PALM2AKAP2: variants seen among roughly 807,000 people sequenced by gnomAD.
PALM2AKAP2 encodes PALM2 and AKAP2 fusion, also known as PALM2-AKAP2 fusion protein.
In PALM2AKAP2, 37 loss-of-function variants were observed where a neutral mutation model predicts 71.5. The observed-to-expected ratio is 0.52, with a 90% confidence interval of 0.40 to 0.68. The LOEUF (loss-of-function observed/expected upper bound fraction) is 0.68. Among genes scored for constraint, PALM2AKAP2 ranks in the 30% least tolerant of loss-of-function variants. The pLI is 0.00. For missense variants in PALM2AKAP2, 1,224 were observed against 1,191.8 expected, an observed-to-expected ratio of 1.03 and a Z score of -0.40; for synonymous variants, 468 against 478.8, an observed-to-expected ratio of 0.98 and a Z score of 0.29.
chr9:109,676,969 A>G (rs1448846341), intron 1 of PALM2AKAP2, among the ~76,000 whole-genome samples: 1 of 152,156 alleles, frequency 6.6e-6, no homozygotes, highest in Non-Finnish European at 1.5e-5. Flanking sequence ...TTTCAGAGGA[A>G]TGGTGGAGGT....
chr9:109,779,321 G>A (rs1829396311), upstream of PALM2AKAP2, among the ~76,000 whole-genome samples: 1 of 152,152 alleles, frequency 6.6e-6, no homozygotes, highest in Admixed American at 6.5e-5. Context: ...GTACCACATG[G>A]TATCCTGTTT....
chr9:109,975,676 T>G (rs894140832), intron 6 of PALM2AKAP2, among the ~76,000 whole-genome samples: 1 of 152,180 alleles, frequency 6.6e-6, no homozygotes, highest in Non-Finnish European at 1.5e-5. Flanking sequence ...TTAAAAATAG[T>G]CTTGGAGCTT....
At chr9:110,058,817 T>G (rs1157962123) in intron 1 of PALM2AKAP2, among the ~76,000 whole-genome samples, 4 of 152,144 alleles carry the variant, frequency 2.6e-5, no homozygotes, top group Non-Finnish European at 5.9e-5. Flanking sequence ...CTTTCTTCCT[T>G]TTCTGAGCTG....
chr9:109,680,745 A>G (rs1012685367), intron 1 of PALM2AKAP2, among the ~76,000 whole-genome samples: 1 of 152,240 alleles, frequency 6.6e-6, no homozygotes, highest in African/African-American at 2.4e-5. Context: ...ATTTTAACAT[A>G]TCTACAAAAA....
At chr9:109,791,102 G>A (rs1054577428) in intron 1 of PALM2AKAP2, among the ~76,000 whole-genome samples, 1 of 152,192 alleles carries the variant, frequency 6.6e-6, no homozygotes, top group Non-Finnish European at 1.5e-5. Context: ...GACAGAGGAG[G>A]TCCTGGAGGC....
intron 1 of PALM2AKAP2, among the ~76,000 whole-genome samples, chr9:110,055,363 T>C (rs1381442854): frequency 1.3e-5 from 2 of 152,030 alleles, no homozygotes; most frequent in Non-Finnish European, 2.9e-5. Context: ...GCCCGGCTAA[T>C]TTTTGTATTT....
chr9:110,005,507 C>T (rs1177925703), intron 6 of PALM2AKAP2, among the ~76,000 whole-genome samples: 1 of 152,230 alleles, frequency 6.6e-6, no homozygotes, highest in Non-Finnish European at 1.5e-5. Flanking sequence ...TGTCCATTCT[C>T]AGATCTCCAG....
chr9:110,015,831 A>G lies in PALM2AKAP2; in HGVS notation c.497-123A>G, dbSNP rs554878695. On this transcript the variant is annotated intron_variant, in intron 6 of 9. Transcript: ENST00000302798. ...CCCAGTAACTGCAAGATAGGTATAG[A>G]GCTATAGGTCATCATCAGCTCCCTT... 9.2e-5 allele frequency: 79 copies of G among 854,492 alleles called. 1 individual carries two copies. The Admixed American group carries it at 1.6e-3, about 17-fold the overall frequency. 52.9% of individuals were successfully genotyped at this position (854,492 alleles called of 1,614,324 possible). A position where few individuals can be genotyped will look rare whatever the true frequency, so the allele number is the denominator to read the frequency against.
At position 109,932,004 on chromosome 9, in the gene PALM2AKAP2, C is replaced by T; in HGVS notation, c.472C>T (p.Gln158Ter). Reference sequence around the variant, plus strand: ...ACGAACAGCAGAACCATCACCTGGGCAGGACGGGACCAGCAGAGCGGCTGG... The same window carrying T: ...ACGAACAGCAGAACCATCACCTGGGTAGGACGGGACCAGCAGAGCGGCTGG... The change falls in exon 6 of 10, where the codon CAG becomes TAG. Residue 158 changes from glutamine (Q) to a stop codon, truncating the protein, a stop_gained. Coordinates refer to the PALM2AKAP2 transcript ENST00000302798. LOFTEE classifies it high-confidence loss of function. The T allele has an allele frequency of 1.9e-6, 3 of 1,613,630 alleles. No individual in the cohort carries two copies. The highest frequency in any genetic ancestry group is 2.5e-6 in the Non-Finnish European group (3 of 1,179,686).
intron 2 of PALM2AKAP2, among the ~76,000 whole-genome samples, chr9:110,150,694 A>G (rs1836288851): frequency 6.6e-6 from 1 of 152,226 alleles, no homozygotes; most frequent in Non-Finnish European, 1.5e-5. Flanking sequence ...AGGAGGCAAC[A>G]TATAGTGTTC....
At chr9:109,882,945 G>A (rs750005214) in intron 3 of PALM2AKAP2, among the ~76,000 whole-genome samples, 13 of 152,036 alleles carry the variant, frequency 8.6e-5, no homozygotes, top group African/African-American at 2.2e-4. Context: ...CACCGTGTCC[G>A]TCCTATTCTG....
chr9:109,702,257 T>C (rs1249689779), intron 1 of PALM2AKAP2, among the ~76,000 whole-genome samples: 1 of 152,160 alleles, frequency 6.6e-6, no homozygotes, highest in East Asian at 1.9e-4. Flanking sequence ...ACCCAAAGGA[T>C]TATAAATCAT....
intron 7 of PALM2AKAP2, among the ~76,000 whole-genome samples, chr9:110,035,262 C>T (rs1340619133): frequency 8.8e-6 from 1 of 113,942 alleles, no homozygotes; most frequent in Non-Finnish European, 1.7e-5. Context: ...TATATACACA[C>T]ATATATAATA....
intron 3 of PALM2AKAP2, among the ~76,000 whole-genome samples, chr9:109,913,762 T>C (rs1406763788): frequency 4.0e-5 from 6 of 149,392 alleles, no homozygotes; most frequent in African/African-American, 9.9e-5. Flanking sequence ...TTTCTTTTTT[T>C]TTTTTTTTTT....
chr9:109,743,541 C>T (rs1828750935), intron 1 of PALM2AKAP2, among the ~76,000 whole-genome samples: 1 of 152,036 alleles, frequency 6.6e-6, no homozygotes, highest in Non-Finnish European at 1.5e-5. Context: ...AGAAAGCTCA[C>T]CTTATTTAAA....
chr9:109,872,513 C>T (rs1217386181), intron 2 of PALM2AKAP2, among the ~76,000 whole-genome samples: 2 of 152,168 alleles, frequency 1.3e-5, no homozygotes, highest in African/African-American at 4.8e-5. Flanking sequence ...GCTAATACCA[C>T]GTCTTCAATA....
At chr9:110,072,255 G>A (rs79495597) in intron 1 of PALM2AKAP2, among the ~76,000 whole-genome samples, 2,036 of 152,306 alleles carry the variant, frequency 0.013, 38 homozygotes, top group African/African-American at 0.047. Context: ...ACTTTCCACA[G>A]GACTCGGCCA....
chr9:109,696,013 G>T (rs1827964927), intron 1 of PALM2AKAP2, among the ~76,000 whole-genome samples: 1 of 152,114 alleles, frequency 6.6e-6, no homozygotes, highest in African/African-American at 2.4e-5. Flanking sequence ...TGGAAGAGAA[G>T]AATTGGAATG....
chr9:109,972,571 T>G (rs1832088730), intron 6 of PALM2AKAP2, among the ~76,000 whole-genome samples: 1 of 152,220 alleles, frequency 6.6e-6, no homozygotes, highest in Non-Finnish European at 1.5e-5. Flanking sequence ...GTATTCTTCA[T>G]GCTTTGATGC....
Sources: allele counts gnomAD v4.1 joint callset (sites outside exome capture counted in the v4.1 genomes callset), GRCh38; gene constraint gnomAD v4.1.1; transcripts MANE v1.5; gene names NCBI Gene and HGNC (gene_info 2026-07-23, HGNC 2026-07-21).